Variants in HEPH observed in about 807,000 individuals in gnomAD.
HEPH encodes the protein hephaestin.
In HEPH, 69 loss-of-function variants were observed where a neutral mutation model predicts 80.8. That is an observed-to-expected ratio of 0.85 (90% CI 0.70 to 1.04). The LOEUF (loss-of-function observed/expected upper bound fraction) is 1.04. Ranked by LOEUF, HEPH falls within the 50% of genes least tolerant of loss-of-function variation. The pLI is 0.00. For synonymous variants in HEPH, 431 were observed against 322.8 expected (o/e 1.34, Z -3.60); for missense variants, 1,115 against 891.3 (o/e 1.25, Z -3.20).
intron 20 of HEPH, 22 bp from the exon 21 acceptor site, chrX:66,266,418 A>ATTTTTTTT (rs376891573): frequency 2.9e-6 from 3 of 1,032,791 alleles, no homozygotes; most frequent in Non-Finnish European, 4.0e-6. Flanking sequence ...CAGGATGCCC[A>ATTTTTTTT]TTTTTTTTTT....
At chrX:66,220,820 A>C (rs1258061721) in intron 15 of HEPH, among the ~76,000 whole-genome samples, 2 of 111,387 alleles carry the variant, frequency 1.8e-5, no homozygotes, top group Non-Finnish European at 1.9e-5. Flanking sequence ...AACTGTGGTC[A>C]TGGGAGGCTC....
intron 4 of HEPH, among the ~76,000 whole-genome samples, chrX:66,179,440 G>C (rs1373973526): frequency 1.8e-5 from 2 of 111,578 alleles, no homozygotes; most frequent in Non-Finnish European, 3.8e-5. Context: ...CTCTTTTTTG[G>C]TTCCTTATGA....
intron 4 of HEPH, among the ~76,000 whole-genome samples, chrX:66,186,480 C>T (rs987548460): frequency 8.9e-6 from 1 of 112,488 alleles, no homozygotes; most frequent in African/African-American, 3.2e-5. Context: ...GTGCGTCCAT[C>T]ACCCCTTTCT....
intron 18 of HEPH, among the ~76,000 whole-genome samples, chrX:66,259,340 T>A (rs2091281014): frequency 9.0e-6 from 1 of 111,715 alleles, no homozygotes; most frequent in Non-Finnish European, 1.9e-5. Context: ...TAATCTATTA[T>A]AAGAAGAGCT....
downstream of HEPH, chrX:66,268,112 G>A (rs1368256450): frequency 2.7e-5 from 3 of 111,959 alleles, no homozygotes; most frequent in Non-Finnish European, 3.8e-5. Flanking sequence ...CTTCATCCAA[G>A]ATCCCTCAGG....
chrX:66,211,773 T>A (rs1485645112), intron 15 of HEPH, among the ~76,000 whole-genome samples: 2 of 112,224 alleles, frequency 1.8e-5, no homozygotes, highest in Admixed American at 9.5e-5. Context: ...ATATCTTTAT[T>A]ATTGTGAATA....
At chrX:66,207,728 A>G (rs927470733) in intron 14 of HEPH, among the ~76,000 whole-genome samples, 6 of 111,716 alleles carry the variant, frequency 5.4e-5, no homozygotes, top group Non-Finnish European at 1.1e-4. Flanking sequence ...GTTATGGTAC[A>G]GAAGGGACCC....
At chrX:66,173,824 A>G (rs1415850944) in intron 4 of HEPH, 23 bp downstream of exon 4, 21 of 1,107,799 alleles carry the variant, frequency 1.9e-5, no homozygotes, top group Non-Finnish European at 2.2e-5. Flanking sequence ...AGGATAAGCT[A>G]TGAGGTGTAG....
chrX:66,268,817 A>G (rs1186295548), downstream of HEPH: 1 of 111,955 alleles, frequency 8.9e-6, no homozygotes. Context: ...ATCAAGTGAC[A>G]TTGCCATCTA....
intron 8 of HEPH, among the ~76,000 whole-genome samples, chrX:66,194,494 G>A (rs1408096579): frequency 8.9e-6 from 1 of 112,119 alleles, no homozygotes; most frequent in African/African-American, 3.2e-5. Context: ...GGTACTTTTT[G>A]TCTGCTTCAA....
rs140886772 is a variant in HEPH, at chrX:66,252,715, G to T, written c.2564-2320G>T. 1.5e-3 allele frequency among the ~76,000 whole-genome samples: 170 copies of T among 112,124 alleles called. 1 individual carries two copies. The Middle Eastern group carries it at 0.018, about 12-fold the overall frequency. On this transcript the variant is annotated intron_variant, in intron 15 of 20. Transcript: ENST00000343002. ...TACTGGTTTCTAAACTTACTACAAA[G>T]CATAGAATTCAAGATTGTGTGGCAT...
chrX:66,257,784 A>G (rs1437797975), intron 17 of HEPH, among the ~76,000 whole-genome samples: 1 of 111,938 alleles, frequency 8.9e-6, no homozygotes, highest in Non-Finnish European at 1.9e-5. Context: ...GTAGACATAG[A>G]GACAGATTAT....
At chrX:66,262,741 G>T (rs773031591) in intron 19 of HEPH, among the ~76,000 whole-genome samples, 1 of 111,582 alleles carries the variant, frequency 9.0e-6, no homozygotes, top group East Asian at 2.8e-4. Context: ...TGGAAGAAAA[G>T]ACAGGATGAA....
At chrX:66,222,909 G>C (rs2089713776) in intron 15 of HEPH, among the ~76,000 whole-genome samples, 1 of 112,058 alleles carries the variant, frequency 8.9e-6, no homozygotes, top group African/African-American at 3.2e-5. Context: ...AAAGAAGAAA[G>C]AGCAATAGAA....
At chrX:66,237,109 T>G (rs2090393827) in intron 15 of HEPH, among the ~76,000 whole-genome samples, 1 of 110,994 alleles carries the variant, frequency 9.0e-6, no homozygotes, top group African/African-American at 3.3e-5. Context: ...TGTGTGTGTT[T>G]GTGTTTCTCA....
chrX:66,242,145 A>C (rs1381177145), intron 15 of HEPH, among the ~76,000 whole-genome samples: 1 of 111,294 alleles, frequency 9.0e-6, no homozygotes, highest in African/African-American at 3.3e-5. Context: ...TAACCAAAAC[A>C]GTGGGGTATT....
intron 15 of HEPH, among the ~76,000 whole-genome samples, chrX:66,226,638 G>T (rs889036977): frequency 1.8e-5 from 2 of 111,695 alleles, no homozygotes; most frequent in Admixed American, 9.5e-5. Flanking sequence ...AAATTCAAAA[G>T]ATCACTCAAG....
At chrX:66,234,436 A>G (rs182320244) in intron 15 of HEPH, among the ~76,000 whole-genome samples, 1 of 111,668 alleles carries the variant, frequency 9.0e-6, no homozygotes, top group East Asian at 2.8e-4. Context: ...ATACCCAGTA[A>G]TGGGATTGCT....
At chrX:66,174,474 T>C (rs771758055) in intron 4 of HEPH, among the ~76,000 whole-genome samples, 4 of 112,220 alleles carry the variant, frequency 3.6e-5, no homozygotes, top group Admixed American at 9.5e-5. Flanking sequence ...TAAACATGCA[T>C]GTGCAAGTAT....
Sources: allele counts gnomAD v4.1 joint callset (sites outside exome capture counted in the v4.1 genomes callset), GRCh38; gene constraint gnomAD v4.1.1; transcripts MANE v1.5; gene names NCBI Gene and HGNC (gene_info 2026-07-23, HGNC 2026-07-21).